Variants in FAM135A observed in about 807,000 individuals in gnomAD.
The protein encoded by FAM135A is family with sequence similarity 135 member A, also known as protein FAM135A.
A neutral mutation model predicts 146.8 loss-of-function variants in FAM135A; 79 were observed. The observed-to-expected ratio is 0.54, with a 90% CI of 0.45 to 0.65. The LOEUF is 0.65. Ranked by LOEUF, FAM135A falls within the 30% of genes least tolerant of loss-of-function variation. FAM135A has a pLI of 0.00. For synonymous variants in FAM135A, 562 were observed against 603.6 expected (o/e 0.93, Z 1.01); for missense variants, 1,623 against 1,758.2 (o/e 0.92, Z 1.38).
chr6:70,502,828 G>C (rs1788881249), intron 12 of FAM135A, 37 bp downstream of exon 12: 1 of 1,585,562 alleles, frequency 6.3e-7, no homozygotes, highest in Non-Finnish European at 8.6e-7. Flanking sequence ...GCATTTTAAT[G>C]AGTATTATTT....
At chr6:70,539,559 C>T (rs990029276) in intron 20 of FAM135A, among the ~76,000 whole-genome samples, 1 of 152,132 alleles carries the variant, frequency 6.6e-6, no homozygotes, top group African/African-American at 2.4e-5. Flanking sequence ...GAAAATAGCC[C>T]TCTTGCTTTC....
At chr6:70,497,930 A>T (rs540439512) in intron 11 of FAM135A, among the ~76,000 whole-genome samples, 5 of 152,110 alleles carry the variant, frequency 3.3e-5, no homozygotes, top group Non-Finnish European at 7.4e-5. Context: ...TTGACTTGAA[A>T]TTTTCTTTTT....
At position 70,525,990 on chromosome 6, in the gene FAM135A, C is replaced by A; in HGVS notation, c.2906C>A (p.Ser969Ter). Residue 969 changes from serine to a stop codon, truncating the protein, a stop_gained, in exon 15 of 22, where the codon TCA (serine) becomes TAA (stop). Coordinates refer to ENST00000418814, the MANE Select transcript of FAM135A (RefSeq NM_001162529.3). LOFTEE classifies it high-confidence loss of function. ...ACAGGGACAGCAATTACATTAAATT[C>A]AAAACTGATTTGTTTAGGCACTCCT... ...NSTGTAITLNSKLICLGTPCV... is the reference protein window; with the variant it reads ...NSTGTAITLN 6.2e-7 allele frequency: 1 copy of A among 1,612,856 alleles called. No individual in the cohort carries two copies. The highest frequency in any genetic ancestry group is 1.1e-5 in the South Asian group (1 of 90,940).
chr6:70,452,187 T>A (rs1272385381), intron 4 of FAM135A, among the ~76,000 whole-genome samples: 1 of 152,082 alleles, frequency 6.6e-6, no homozygotes, highest in Non-Finnish European at 1.5e-5. Context: ...AATGAAACAA[T>A]GAAGTTCTTA....
rs1794732077 is a variant in FAM135A, at chr6:70,526,575, G to A, written c.3491G>A (p.Cys1164Tyr). ...CCGTCTGCACCACGAGAGTCTCCTT[G>A]TAATGTTAAATATTCTTCCAAAAGT... ...SFPSAPRESP[C>Y]NVKYSSKSKF... The change falls in exon 15 of 22, where the codon TGT (cysteine) becomes TAT (tyrosine). Residue 1164 changes from cysteine to tyrosine, a missense_variant. This residue lies in a region of FAM135A where 1,061 missense variants were observed against 1,113.8 expected (regional missense o/e 0.95). Coordinates refer to ENST00000418814, the MANE Select transcript of FAM135A (RefSeq NM_001162529.3). The A allele has an allele frequency of 1.2e-6, 2 of 1,613,606 alleles. No individual in the cohort carries two copies. Among genetic ancestry groups the A allele is most frequent in the Non-Finnish European group, 1.7e-6 (2 of 1,179,654 alleles).
intron 8 of FAM135A, 102 bp from the exon 9 acceptor site, chr6:70,480,799 A>G: frequency 1.8e-6 from 2 of 1,140,586 alleles, no homozygotes; most frequent in Non-Finnish European, 2.3e-6. Context: ...AAACTTGCAA[A>G]ACCCTTGCTG....
intron 1 of FAM135A, chr6:70,413,957 G>A: frequency 3.0e-6 from 3 of 985,528 alleles, no homozygotes; most frequent in Non-Finnish European, 3.6e-6. Context: ...GCCCGCGGCC[G>A]CCCCTGCCCC....
rs758072866 is a variant in FAM135A at position 70,525,946 on chromosome 6, TGATAAA to T, written c.2863_2868del (p.Asp955_Lys956del). ...CTATGTGTAAAGGCTTCCAGAGTCC[TGATAAA>T]TCTAATAACTCTACAGGGACAGCAA... is the stretch of plus-strand genomic sequence containing the variant. On this transcript the variant is annotated inframe_deletion, in exon 15 of 22. Transcript: ENST00000418814. 6.2e-7 allele frequency: 1 copy of T among 1,613,498 alleles called. No homozygotes were observed. The highest frequency in any genetic ancestry group is 1.7e-5 in the Admixed American group (1 of 59,956).
At chr6:70,510,414 T>A (rs1158352467) in intron 12 of FAM135A, among the ~76,000 whole-genome samples, 1 of 152,090 alleles carries the variant, frequency 6.6e-6, no homozygotes, top group Non-Finnish European at 1.5e-5. Flanking sequence ...TTCATCACTC[T>A]GAAAGGAAAC....
chr6:70,488,426 T>C (rs918774932), intron 10 of FAM135A, among the ~76,000 whole-genome samples: 2 of 151,388 alleles, frequency 1.3e-5, no homozygotes, highest in African/African-American at 4.9e-5. Flanking sequence ...TGGAAGGATA[T>C]GCTCTAGACT....
intron 4 of FAM135A, among the ~76,000 whole-genome samples, chr6:70,438,291 A>G (rs1773680207): frequency 6.6e-6 from 1 of 152,222 alleles, no homozygotes; most frequent in Non-Finnish European, 1.5e-5. Context: ...AATTTAAAAT[A>G]CTTACAGTAA....
At chr6:70,496,729 C>A (rs1357271826) in intron 11 of FAM135A, among the ~76,000 whole-genome samples, 1 of 151,594 alleles carries the variant, frequency 6.6e-6, no homozygotes, top group Non-Finnish European at 1.5e-5. Context: ...TATGGCTAGC[C>A]AGTTTTCCCA....
intron 20 of FAM135A, among the ~76,000 whole-genome samples, chr6:70,548,307 T>A (rs1462103822): frequency 2.6e-5 from 4 of 152,258 alleles, no homozygotes; most frequent in East Asian, 1.9e-4. Flanking sequence ...ACACTTTTTT[T>A]AAATAACTAG....
chr6:70,549,848 T>C (rs1024658008), intron 20 of FAM135A, among the ~76,000 whole-genome samples: 2 of 152,202 alleles, frequency 1.3e-5, no homozygotes, highest in Non-Finnish European at 2.9e-5. Context: ...ATTTTACCTG[T>C]AGTAGAACTT....
chr6:70,538,129 G>A (rs551510977), intron 19 of FAM135A, among the ~76,000 whole-genome samples, 162 bp from the exon 20 acceptor site: 6 of 152,178 alleles, frequency 3.9e-5, no homozygotes, highest in African/African-American at 9.6e-5. Context: ...AAATGTTATC[G>A]GAACATGGAA....
chr6:70,538,347 C>T lies in FAM135A; in HGVS notation c.4174C>T (p.Arg1392Ter). The change falls in exon 20 of 22, where the codon CGA becomes TGA. Residue 1392 changes from arginine to a stop codon, truncating the protein, a stop_gained. Transcript: ENST00000418814. LOFTEE classifies it high-confidence loss of function. ...KSGSLLQLTC[R>*]DHSDPRQTFL... ...AGGTTCGCTTTTGCAGCTGACATGT[C>T]GAGATCACTCAGACCCTCGCCAAAC... The T allele has an allele frequency of 2.0e-6, 3 of 1,533,092 alleles. No individual in the cohort carries two copies. Among genetic ancestry groups the T allele is most frequent in the Admixed American group, 1.9e-5 (1 of 53,792 alleles). The allele number at this position is 1,533,092 out of a possible 1,614,324, so 95.0% of individuals were successfully genotyped here.
chr6:70,513,870 T>G (rs933509833), intron 12 of FAM135A, among the ~76,000 whole-genome samples: 3 of 152,064 alleles, frequency 2.0e-5, no homozygotes, highest in Non-Finnish European at 4.4e-5. Flanking sequence ...GATTAAAAAG[T>G]CAGTTATTTA....
At chr6:70,528,243 C>T in intron 15 of FAM135A, 49 bp from the exon 16 acceptor site, 1 of 1,528,524 alleles carries the variant, frequency 6.5e-7, no homozygotes, top group Non-Finnish European at 8.8e-7. Flanking sequence ...AGGGTTCTAA[C>T]AACTGAATAT....
At chr6:70,476,473 A>G (rs183974210) in intron 7 of FAM135A, among the ~76,000 whole-genome samples, 6 of 152,224 alleles carry the variant, frequency 3.9e-5, no homozygotes, top group Admixed American at 6.5e-5. Context: ...CCTCTGTAAT[A>G]CTTGTTCATT....
Sources: allele counts gnomAD v4.1 joint callset (sites outside exome capture counted in the v4.1 genomes callset), GRCh38; gene constraint gnomAD v4.1.1; regional missense constraint gnomAD v4.1.1; transcripts MANE v1.5; gene names NCBI Gene and HGNC (gene_info 2026-07-23, HGNC 2026-07-21).